Variants in NDUFV1 observed in about 807,000 individuals in gnomAD.
NDUFV1 encodes the protein NADH dehydrogenase [ubiquinone] flavoprotein 1, mitochondrial.
NDUFV1 carries 41 observed loss-of-function variants against 48.7 expected under a neutral mutation model. That is an observed-to-expected ratio of 0.84 (90% CI 0.66 to 1.09). The LOEUF (loss-of-function observed/expected upper bound fraction) is 1.09. Among genes scored for constraint, NDUFV1 ranks in the 50% least tolerant of loss-of-function variants. The pLI, the probability that NDUFV1 is intolerant of heterozygous loss-of-function variation, is 0.00. For missense variants in NDUFV1, 580 were observed against 645.4 expected (o/e 0.90, Z 1.10); for synonymous variants, 231 against 259.1 (o/e 0.89, Z 1.04).
chr11:67,611,312 G>A lies in NDUFV1; in HGVS notation c.914-91G>A. ...CTCAGGAGACGGGGCTGGGTCTAGG[G>A]GCTGACTAAGGGCCTGGGCTCAGGA... On this transcript the variant is annotated intron_variant, in intron 6 of 9. Transcript: ENST00000322776. The surrounding 1 kb of genome is among the most constrained non-coding windows in gnomAD (Gnocchi z 4.2). 5 of 1,594,364 alleles carry A rather than the reference G, an allele frequency of 3.1e-6. No individual in the cohort carries two copies. The highest frequency in any genetic ancestry group is 4.3e-6 in the Non-Finnish European group (5 of 1,167,686).
intron 1 of NDUFV1, chr11:67,607,508 A>G (rs1303819787): frequency 2.2e-6 from 1 of 462,662 alleles, no homozygotes; most frequent in Non-Finnish European, 4.3e-6. Context: ...TGCGCTCTCC[A>G]CTGGGTCGTG....
chr11:67,611,045 TCCCC>T lies in NDUFV1; in HGVS notation c.753_756del (p.Pro252GlnfsTer44), dbSNP rs1229474296. On this transcript the variant is annotated frameshift_variant, in exon 6 of 10. Transcript: ENST00000322776. LOFTEE classifies it high-confidence loss of function. The surrounding 1 kb of genome is among the most constrained non-coding windows in gnomAD (Gnocchi z 4.2). ...GGCCAACGTGGAGACAGTGGCAGTG[TCCCC>T]CACAATCTGCCGCCGTGGAGGTACC... 2.4e-5 allele frequency: 39 copies of T among 1,614,064 alleles called. No individual in the cohort carries two copies. The highest frequency in any genetic ancestry group is 3.2e-5 in the Non-Finnish European group (38 of 1,180,040).
At chr11:67,607,554 C>T (rs1854831852) in intron 1 of NDUFV1, 2 of 455,468 alleles carry the variant, frequency 4.4e-6, no homozygotes, top group African/African-American at 4.0e-5. Context: ...GCCCCTCCAT[C>T]ACCTGTGTGT....
In NDUFV1 at chr11:67,610,571, G is replaced by C. The variant is rs775965766; in HGVS notation, c.700+1G>C. ...AAGCCCCCCTTCCCCGCAGACGTGG[G>C]TAAGGCCTGGCGTAACCCTGGGTCA... On this transcript the variant is annotated splice_donor_variant, in intron 5 of 9. Transcript: ENST00000322776. LOFTEE classifies it high-confidence loss of function. 6.2e-7 allele frequency: 1 copy of C among 1,613,886 alleles called. No homozygotes were observed. Among genetic ancestry groups the C allele is most frequent in the South Asian group, 1.1e-5 (1 of 91,064 alleles).
rs749626609 is a variant in NDUFV1 at position 67,610,576 on chromosome 11, G to T, written c.700+6G>T. On this transcript the variant is annotated splice_donor_region_variant and intron_variant, in intron 5 of 9. Transcript: ENST00000322776. ...CCCCTTCCCCGCAGACGTGGGTAAGGCCTGGCGTAACCCTGGGTCAGACTG... is the reference window on the plus strand; with the variant it reads ...CCCCTTCCCCGCAGACGTGGGTAAGTCCTGGCGTAACCCTGGGTCAGACTG... 1.1e-5 allele frequency: 17 copies of T among 1,613,632 alleles called. No individual in the cohort carries two copies. The highest frequency in any genetic ancestry group is 1.4e-5 in the Non-Finnish European group (16 of 1,179,906).
chr11:67,608,829 G>T (rs1454883262), intron 3 of NDUFV1, 107 bp downstream of exon 3: 2 of 1,499,342 alleles, frequency 1.3e-6, no homozygotes, highest in Non-Finnish European at 1.8e-6. Context: ...GCATGAATGA[G>T]GTGGGCACAT....
chr11:67,608,222 T>C, intron 1 of NDUFV1, 174 bp from the exon 2 acceptor site: 1 of 540,866 alleles, frequency 1.8e-6, no homozygotes, highest in Admixed American at 3.7e-5. Context: ...CAAGAGTCTG[T>C]CTCAAAAAAA....
rs956373159 is a variant in NDUFV1, at chr11:67,608,794, T to C, written c.326+72T>C. Reference sequence around the variant, plus strand: ...GGGGTGGCTGGGGTTTCCCTGGGCCTTTGGGCTCTTTCCTTAGAAACTTAG... The same window carrying C: ...GGGGTGGCTGGGGTTTCCCTGGGCCCTTGGGCTCTTTCCTTAGAAACTTAG... On this transcript the variant is annotated intron_variant, in intron 3 of 9. Transcript: ENST00000322776. 24 of 1,596,084 alleles carry C rather than the reference T, an allele frequency of 1.5e-5. No homozygotes were observed. The African/African-American group carries it at 3.2e-4, about 21-fold the overall frequency.
At chr11:67,609,361 T>A in intron 3 of NDUFV1, 91 bp from the exon 4 acceptor site, 3 of 1,378,982 alleles carry the variant, frequency 2.2e-6, no homozygotes, top group Non-Finnish European at 3.1e-6. Flanking sequence ...GGAGACATCT[T>A]TGAGGCCTCC....
At chr11:67,609,667 G>A in intron 4 of NDUFV1, 32 bp downstream of exon 4, 1 of 1,597,262 alleles carries the variant, frequency 6.3e-7, no homozygotes, top group Non-Finnish European at 8.5e-7. Flanking sequence ...CAGATGAGAA[G>A]GTGTTCAGTG....
Position 67,611,716 on chromosome 11 carries a change from G to A in NDUFV1, c.1080+147G>A. ...AGGTGGAAGAGGAGGGAGGAAGGCT[G>A]CTCTGAGGAGAATACCCCGGAGTCT... On this transcript the variant is annotated intron_variant, in intron 7 of 9. Transcript: ENST00000322776. This position sits in a 1 kb window ranked among gnomAD's most constrained non-coding sequence, Gnocchi z 4.2. The A allele has an allele frequency of 1.4e-6, 2 of 1,396,916 alleles. No individual in the cohort carries two copies. Among genetic ancestry groups the A allele is most frequent in the Non-Finnish European group, 9.8e-7 (1 of 1,015,998 alleles). The allele number at this position is 1,396,916 out of a possible 1,614,324, so 86.5% of individuals were successfully genotyped here.
intron 5 of NDUFV1, 76 bp from the exon 6 acceptor site, chr11:67,610,919 C>T (rs1478640791): frequency 1.4e-6 from 2 of 1,426,530 alleles, no homozygotes; most frequent in African/African-American, 2.8e-5. Flanking sequence ...GGTGCAGGAC[C>T]CTGGGACACA....
At chr11:67,607,672 G>A (rs1854836010) in intron 1 of NDUFV1, 1 of 355,344 alleles carries the variant, frequency 2.8e-6, no homozygotes, top group Non-Finnish European at 5.6e-6. Flanking sequence ...AGGGGAGCCA[G>A]GCCGGGAAAG....
rs371938193 is a variant in NDUFV1 at position 67,611,064 on chromosome 11, G to A, written c.770G>A (p.Arg257His). 6.2e-6 allele frequency: 10 copies of A among 1,614,118 alleles called. No individual in the cohort carries two copies. Among genetic ancestry groups the A allele is most frequent in the South Asian group, 2.2e-5 (2 of 91,096 alleles). Reference protein sequence around the residue: ...TVAVSPTICRRGGTWFAGFGR... With the variant: ...TVAVSPTICRHGGTWFAGFGR... ...GCAGTGTCCCCCACAATCTGCCGCCGTGGAGGTACCTGGTTTGCTGGCTTT... is the reference window on the plus strand; with the variant it reads ...GCAGTGTCCCCCACAATCTGCCGCCATGGAGGTACCTGGTTTGCTGGCTTT... The change falls in exon 6 of 10, where the codon CGT becomes CAT. Residue 257 changes from arginine to histidine, a missense_variant. Transcript: ENST00000322776. This position sits in a 1 kb window ranked among gnomAD's most constrained non-coding sequence, Gnocchi z 4.2.
chr11:67,609,888 A>G (rs1854879978), intron 4 of NDUFV1: 6 of 475,932 alleles, frequency 1.3e-5, no homozygotes, highest in Admixed American at 3.8e-5. Flanking sequence ...ACAAGTAGCA[A>G]GAAGAAAAAA....
At chr11:67,608,865 C>T (rs771368301) in intron 3 of NDUFV1, 143 bp downstream of exon 3, 90 of 1,158,160 alleles carry the variant, frequency 7.8e-5, no homozygotes, top group Non-Finnish European at 1.1e-4. Flanking sequence ...ATGGATGGGA[C>T]TTACTCTGTG....
In NDUFV1 at chr11:67,611,113, C is replaced by T. The variant is rs150859374; in HGVS notation, c.819C>T (p.Thr273=). 1.6e-4 allele frequency: 258 copies of T among 1,614,236 alleles called. 4 individuals carry two copies. In the African/African-American group the frequency reaches 2.8e-3, roughly 17 times the overall value. Residue 273 remains threonine, a synonymous_variant, in exon 6 of 10, where the codon ACC becomes ACT. Coordinates refer to ENST00000322776, the MANE Select transcript of NDUFV1 (RefSeq NM_007103.4). This position sits in a 1 kb window ranked among gnomAD's most constrained non-coding sequence, Gnocchi z 4.2. ...AGFGRERNSG[T]KLFNISGHVN... is the part of the protein sequence containing the mutation. ...TTGGCAGAGAACGCAACTCAGGCACCAAACTATTCAACATCTCTGGCCATG... is the reference window on the plus strand; with the variant it reads ...TTGGCAGAGAACGCAACTCAGGCACTAAACTATTCAACATCTCTGGCCATG...
At chr11:67,607,180 C>T (rs1484473966) in intron 1 of NDUFV1, 104 bp downstream of exon 1, 3 of 1,304,376 alleles carry the variant, frequency 2.3e-6, no homozygotes, top group Admixed American at 2.0e-5. Flanking sequence ...CTGGAGAGCC[C>T]TTCTCCCCAG....
At position 67,610,990 on chromosome 11, in the gene NDUFV1, T is replaced by C; in HGVS notation, c.701-5T>C. ...GCCACCAGTTCTCTTCCCATTTCCCTGAAGGAGTGTTTGGCTGCCCCACAA... is the reference window on the plus strand; with the variant it reads ...GCCACCAGTTCTCTTCCCATTTCCCCGAAGGAGTGTTTGGCTGCCCCACAA... On this transcript the variant is annotated splice_polypyrimidine_tract_variant and splice_region_variant and intron_variant, in intron 5 of 9. Transcript: ENST00000322776. 2.5e-6 allele frequency: 4 copies of C among 1,614,168 alleles called. No homozygotes were observed. The highest frequency in any genetic ancestry group is 3.4e-6 in the Non-Finnish European group (4 of 1,180,000).
Sources: allele counts gnomAD v4.1 joint callset, GRCh38; gene constraint gnomAD v4.1.1; non-coding constraint Gnocchi (gnomAD v3.1); transcripts MANE v1.5; gene names NCBI Gene and HGNC (gene_info 2026-07-23, HGNC 2026-07-21).